ATRNL1: variants seen among roughly 807,000 people sequenced by gnomAD.
ATRNL1 encodes attractin-like protein 1.
A neutral mutation model predicts 182.7 loss-of-function variants in ATRNL1; 95 were observed. The ratio of observed to expected loss-of-function variants is 0.52; its 90% CI spans 0.44 to 0.62. ATRNL1 has a LOEUF of 0.62. Ranked by LOEUF, ATRNL1 falls within the 20% of genes least tolerant of loss-of-function variation. The pLI, the probability that ATRNL1 is intolerant of heterozygous loss-of-function variation, is 0.00. For missense variants in ATRNL1, 1,471 were observed against 1,679.5 expected, an observed-to-expected ratio of 0.88 and a Z score of 2.17; for synonymous variants, 576 against 568.3, an observed-to-expected ratio of 1.01 and a Z score of -0.19.
chr10:115,933,421 G>A (rs72832857), intron 28 of ATRNL1, among the ~76,000 whole-genome samples: 1 of 131,442 alleles, frequency 7.6e-6, no homozygotes, highest in Admixed American at 7.1e-5. Flanking sequence ...CACATTTCTA[G>A]CAAGGGAGTC....
At chr10:115,732,697 GT>G (rs150513562) in intron 27 of ATRNL1, among the ~76,000 whole-genome samples, 4 of 152,168 alleles carry the variant, frequency 2.6e-5, no homozygotes, top group Non-Finnish European at 5.9e-5. Context: ...AAGAACCAGG[GT>G]TCAAATCTCA....
At chr10:115,171,980 C>T (rs1272524375) in intron 8 of ATRNL1, among the ~76,000 whole-genome samples, 2 of 152,160 alleles carry the variant, frequency 1.3e-5, no homozygotes, top group Middle Eastern at 3.4e-3. Flanking sequence ...TCTTTTCTGG[C>T]TCTGGCCAGT....
chr10:115,099,199 CTTTT>C (rs2143402177), intron 1 of ATRNL1, among the ~76,000 whole-genome samples: 1 of 152,300 alleles, frequency 6.6e-6, no homozygotes, highest in Non-Finnish European at 1.5e-5. Context: ...TTATATACTT[CTTTT>C]TTGTCTGGCT....
At chr10:115,801,361 T>C (rs1298148733) in intron 27 of ATRNL1, among the ~76,000 whole-genome samples, 1 of 152,094 alleles carries the variant, frequency 6.6e-6, no homozygotes, top group East Asian at 1.9e-4. Flanking sequence ...AGGAAACAAG[T>C]AAGGAGAGAA....
At chr10:115,637,082 C>T (rs1040928997) in intron 26 of ATRNL1, among the ~76,000 whole-genome samples, 1 of 152,140 alleles carries the variant, frequency 6.6e-6, no homozygotes, top group Non-Finnish European at 1.5e-5. Context: ...AAAACATGGA[C>T]CTCAATACCT....
In ATRNL1 at chr10:115,093,713, C is replaced by A; in HGVS notation, c.-38C>A. ...CTTCAACAGCATCCCTGTCGGCGCC[C>A]GCGAGCGCAGTCTCGCCGGGCAGGG... On this transcript the variant is annotated 5_prime_UTR_variant, in exon 1 of 29. Transcript: ENST00000355044. The surrounding 1 kb of genome is among the most constrained non-coding windows in gnomAD (Gnocchi z 6.1). 1.4e-6 allele frequency: 2 copies of A among 1,415,094 alleles called. No homozygotes were observed. The highest frequency in any genetic ancestry group is 1.8e-4 in the Middle Eastern group (1 of 5,478). The allele number at this position is 1,415,094 out of a possible 1,614,324, so 87.7% of individuals were successfully genotyped here.
At chr10:115,683,744 C>T (rs1187158456) in intron 26 of ATRNL1, among the ~76,000 whole-genome samples, 6 of 151,538 alleles carry the variant, frequency 4.0e-5, no homozygotes, top group African/African-American at 1.5e-4. Flanking sequence ...AGATGAATCA[C>T]GGAGAATTAA....
intron 26 of ATRNL1, among the ~76,000 whole-genome samples, chr10:115,561,829 C>T (rs1215567392): frequency 4.6e-5 from 7 of 151,852 alleles, no homozygotes; most frequent in Admixed American, 6.6e-5. Flanking sequence ...TGCTTGTGAT[C>T]GATAATAATG....
At chr10:115,453,341 T>C (rs1416365660) in intron 21 of ATRNL1, among the ~76,000 whole-genome samples, 3 of 151,824 alleles carry the variant, frequency 2.0e-5, no homozygotes, top group African/African-American at 7.2e-5. Flanking sequence ...TTTAGAGAAA[T>C]GTCTATTCAG....
At chr10:115,801,717 T>C (rs1949797483) in intron 27 of ATRNL1, among the ~76,000 whole-genome samples, 1 of 152,166 alleles carries the variant, frequency 6.6e-6, no homozygotes, top group South Asian at 2.1e-4. Context: ...ACTGTCTTCA[T>C]CAACATGATT....
intron 23 of ATRNL1, 42 bp from the exon 24 acceptor site, chr10:115,469,126 TAAAG>T (rs1848191394): frequency 1.3e-6 from 1 of 749,060 alleles, no homozygotes. Context: ...TTTAAATTCA[TAAAG>T]ATATTTCCTA....
At chr10:115,871,786 A>T (rs1951592574) in intron 28 of ATRNL1, among the ~76,000 whole-genome samples, 1 of 152,180 alleles carries the variant, frequency 6.6e-6, no homozygotes, top group Non-Finnish European at 1.5e-5. Context: ...AAACTAAACA[A>T]TATAAATCTT....
At chr10:115,280,138 G>C (rs1852291328) in intron 13 of ATRNL1, among the ~76,000 whole-genome samples, 1 of 152,110 alleles carries the variant, frequency 6.6e-6, no homozygotes, top group Non-Finnish European at 1.5e-5. Flanking sequence ...ATCCCTCATA[G>C]GTTTTGACTA....
chr10:115,578,419 C>T (rs1854860135), intron 26 of ATRNL1, among the ~76,000 whole-genome samples: 1 of 151,688 alleles, frequency 6.6e-6, no homozygotes, highest in Non-Finnish European at 1.5e-5. Flanking sequence ...TTGATTACCA[C>T]TTCAATCACT....
chr10:115,427,602 A>G (rs927025338), intron 21 of ATRNL1, among the ~76,000 whole-genome samples: 2 of 152,110 alleles, frequency 1.3e-5, no homozygotes, highest in African/African-American at 2.4e-5. Context: ...TAATATTTGC[A>G]TATATAGTAG....
chr10:115,794,598 G>T (rs1225307269), intron 27 of ATRNL1, among the ~76,000 whole-genome samples: 3 of 151,978 alleles, frequency 2.0e-5, no homozygotes, highest in Non-Finnish European at 4.4e-5. Context: ...ATTTGGATTT[G>T]TTCAGTGTTT....
At chr10:115,936,330 A>C (rs1953557438) in intron 28 of ATRNL1, among the ~76,000 whole-genome samples, 1 of 152,312 alleles carries the variant, frequency 6.6e-6, no homozygotes, top group African/African-American at 2.4e-5. Flanking sequence ...TAGATCCACT[A>C]AAACGTAAAC....
At chr10:115,338,013 A>G (rs1358531784) in intron 19 of ATRNL1, among the ~76,000 whole-genome samples, 1 of 151,738 alleles carries the variant, frequency 6.6e-6, no homozygotes, top group African/African-American at 2.4e-5. Flanking sequence ...ATGCCACCAC[A>G]GATCTGACAG....
chr10:115,461,481 T>G (rs563837737), intron 21 of ATRNL1, among the ~76,000 whole-genome samples: 2 of 152,194 alleles, frequency 1.3e-5, no homozygotes, highest in African/African-American at 4.8e-5. Context: ...ATATGAGAAA[T>G]ATTATTTAGC....
Sources: allele counts gnomAD v4.1 joint callset (sites outside exome capture counted in the v4.1 genomes callset), GRCh38; gene constraint gnomAD v4.1.1; non-coding constraint Gnocchi (gnomAD v3.1); transcripts MANE v1.5; gene names NCBI Gene and HGNC (gene_info 2026-07-23, HGNC 2026-07-21).